Variants in CAMTA1 observed in about 807,000 individuals in gnomAD.
CAMTA1 encodes the protein calmodulin binding transcription activator 1, also known as calmodulin-binding transcription activator 1.
In CAMTA1, 27 loss-of-function variants were observed where a neutral mutation model predicts 170.9. The ratio of observed to expected loss-of-function variants is 0.16; its 90% confidence interval spans 0.12 to 0.22. CAMTA1 has a LOEUF of 0.22. Among genes scored for constraint, CAMTA1 ranks in the 10% least tolerant of loss-of-function variants. CAMTA1 has a pLI of 1.00. For missense variants in CAMTA1, 1,619 were observed against 2,217.2 expected (o/e 0.73, Z 5.42); for synonymous variants, 833 against 891.5 (o/e 0.93, Z 1.17).
At chr1:7,048,488 TGCTGTTG>T (rs1705768775) in intron 3 of CAMTA1, among the ~76,000 whole-genome samples, 1 of 152,232 alleles carries the variant, frequency 6.6e-6, no homozygotes, top group Non-Finnish European at 1.5e-5. Flanking sequence ...GGGGAGCGTC[TGCTGTTG>T]GCTTTGGTGT....
chr1:7,023,359 A>T (rs1187149392), intron 3 of CAMTA1, among the ~76,000 whole-genome samples: 1 of 152,238 alleles, frequency 6.6e-6, no homozygotes, highest in Non-Finnish European at 1.5e-5. Context: ...TTCCCAGGGG[A>T]AAAACTGGGG....
chr1:7,539,768 G>A (rs984820911), intron 6 of CAMTA1, among the ~76,000 whole-genome samples: 5 of 152,246 alleles, frequency 3.3e-5, no homozygotes, highest in Admixed American at 1.3e-4. Context: ...GACATAGGAA[G>A]GCAGGGCCAG....
At chr1:7,526,662 C>T (rs2094435566) in intron 6 of CAMTA1, among the ~76,000 whole-genome samples, 1 of 152,232 alleles carries the variant, frequency 6.6e-6, no homozygotes, top group Non-Finnish European at 1.5e-5. Context: ...GCATGTTCCT[C>T]CAGGCCTGGC....
At chr1:6,916,751 C>T (rs1333899832) in intron 3 of CAMTA1, among the ~76,000 whole-genome samples, 3 of 152,132 alleles carry the variant, frequency 2.0e-5, no homozygotes, top group Non-Finnish European at 4.4e-5. Flanking sequence ...GGGAAGTAGC[C>T]TCACAGTAGA....
Position 7,547,976 on chromosome 1 carries a change from TAGTAATGTCTGC to T in CAMTA1, c.510+80076_510+80087del, listed in dbSNP as rs1176977714. Among the ~76,000 whole-genome samples, 1 of 152,158 alleles carries T rather than the reference TAGTAATGTCTGC, an allele frequency of 6.6e-6. No homozygotes were observed. The highest frequency in any genetic ancestry group is 1.5e-5 in the Non-Finnish European group (1 of 68,028). ...CAGGGGAAACAGTGACGTGATTGATTAGTAATGTCTGCCATGAACAGAGGGACAGGAAGGGTT... is the reference window on the plus strand; with the variant it reads ...CAGGGGAAACAGTGACGTGATTGATTCATGAACAGAGGGACAGGAAGGGTT... On this transcript the variant is annotated intron_variant, in intron 6 of 22. Coordinates refer to ENST00000303635, the MANE Select transcript of CAMTA1 (RefSeq NM_015215.4). The surrounding 1 kb of genome is among the most constrained non-coding windows in gnomAD (Gnocchi z 5.7).
chr1:6,961,959 C>A (rs1178556265), intron 3 of CAMTA1, among the ~76,000 whole-genome samples: 1 of 152,218 alleles, frequency 6.6e-6, no homozygotes, highest in Non-Finnish European at 1.5e-5. Context: ...CATCTCTCCC[C>A]GGCGGCCAGT....
chr1:6,831,294 C>T (rs1403304525), intron 3 of CAMTA1, among the ~76,000 whole-genome samples: 1 of 152,204 alleles, frequency 6.6e-6, no homozygotes, highest in Non-Finnish European at 1.5e-5. Flanking sequence ...AGAACCTACT[C>T]TTGTTTCATA....
Position 7,755,727 on chromosome 1 carries a change from T to C in CAMTA1, c.4989+59T>C, listed in dbSNP as rs1447471172. The C allele has an allele frequency of 7.4e-6, 11 of 1,489,058 alleles. No homozygotes were observed. The Admixed American group carries it at 1.8e-4, about 25-fold the overall frequency. The allele number at this position is 1,489,058 out of a possible 1,614,324, so 92.2% of individuals were successfully genotyped here. A position where few individuals can be genotyped will look rare whatever the true frequency, so the allele number is the denominator to read the frequency against. On this transcript the variant is annotated intron_variant, in intron 22 of 22. Transcript: ENST00000303635. Reference sequence around the variant, plus strand: ...CTCTTCCATTTTCAGTATTTTGCTTTTTGCTTGCTTGCATGAGGCTGCAGC... The same window carrying C: ...CTCTTCCATTTTCAGTATTTTGCTTCTTGCTTGCTTGCATGAGGCTGCAGC...
intron 6 of CAMTA1, among the ~76,000 whole-genome samples, chr1:7,560,810 C>T (rs1039915807): frequency 2.0e-5 from 3 of 151,608 alleles, no homozygotes. Context: ...GGGGCAGGCA[C>T]TCAGGTGGGG....
Position 7,467,944 on chromosome 1 carries a change from G to A in CAMTA1, c.510+43G>A, listed in dbSNP as rs372092962. The stretch of plus-strand genomic sequence containing the variant: ...GATTCTTCTTCTGTCTCTGGTGCTC[G>A]GGAAGGGTCTGTGGAGGGCACTGAG... On this transcript the variant is annotated intron_variant, in intron 6 of 22. Coordinates refer to ENST00000303635, the MANE Select transcript of CAMTA1 (RefSeq NM_015215.4). 614 of 1,542,984 alleles carry A rather than the reference G, an allele frequency of 4.0e-4. 6 individuals carry two copies. In the South Asian group the frequency reaches 5.0e-3, roughly 13 times the overall value.
chr1:7,007,222 T>C lies in CAMTA1; in HGVS notation c.235-84082T>C, dbSNP rs1200465185. On this transcript the variant is annotated intron_variant, in intron 3 of 22. Transcript: ENST00000303635. This position sits in a 1 kb window ranked among gnomAD's most constrained non-coding sequence, Gnocchi z 4.5. ...CACATAGGATCTCACGTGGGGAGCA[T>C]CGACCAGGAGAGGGGTCCACATTGT... Among the ~76,000 whole-genome samples the C allele has an allele frequency of 6.6e-6, 1 of 151,958 alleles. No homozygotes were observed. Among genetic ancestry groups the C allele is most frequent in the East Asian group, 1.9e-4 (1 of 5,154 alleles).
At chr1:7,741,479 G>A (rs998287624) in intron 16 of CAMTA1, among the ~76,000 whole-genome samples, 1 of 150,976 alleles carries the variant, frequency 6.6e-6, no homozygotes, top group African/African-American at 2.4e-5. Context: ...GAAGAATGGC[G>A]TGAACCCAGG....
chr1:6,920,794 C>T (rs530891654), intron 3 of CAMTA1, among the ~76,000 whole-genome samples: 32 of 152,350 alleles, frequency 2.1e-4, no homozygotes, highest in African/African-American at 7.5e-4. Flanking sequence ...TGAGCTATAC[C>T]TTGGTCCCTT....
At chr1:6,950,389 A>G (rs1261987913) in intron 3 of CAMTA1, among the ~76,000 whole-genome samples, 1 of 152,200 alleles carries the variant, frequency 6.6e-6, no homozygotes, top group Non-Finnish European at 1.5e-5. Context: ...TCCAGAGCTG[A>G]GAGCTTTGGG....
intron 4 of CAMTA1, among the ~76,000 whole-genome samples, chr1:7,228,015 C>A (rs1236103297): frequency 6.6e-6 from 1 of 152,210 alleles, no homozygotes; most frequent in Non-Finnish European, 1.5e-5. Context: ...GCTCCCCTGG[C>A]AGTAAAACAT....
chr1:7,696,249 T>G (rs1164305285), intron 11 of CAMTA1, among the ~76,000 whole-genome samples: 4 of 152,130 alleles, frequency 2.6e-5, no homozygotes, highest in Non-Finnish European at 5.9e-5. Context: ...CAGGCCAGAG[T>G]ACAGTGGCGC....
Position 7,682,265 on chromosome 1 carries a change from T to G in CAMTA1, c.2914+4532T>G, listed in dbSNP as rs1295963460. Among the ~76,000 whole-genome samples the G allele has an allele frequency of 1.3e-5, 2 of 152,130 alleles. No individual in the cohort carries two copies. Among genetic ancestry groups the G allele is most frequent in the Admixed American group, 6.5e-5 (1 of 15,282 alleles). On this transcript the variant is annotated intron_variant, in intron 11 of 22. Transcript: ENST00000303635. This position sits in a 1 kb window ranked among gnomAD's most constrained non-coding sequence, Gnocchi z 5.0. The stretch of plus-strand genomic sequence containing the variant: ...TGCCTGCTTCCTGGGCAAGCCTCAG[T>G]GTAAGGTGGGTGAGCCCAGACAGCT...
intron 5 of CAMTA1, among the ~76,000 whole-genome samples, chr1:7,375,853 C>T (rs1047306792): frequency 1.3e-5 from 2 of 152,226 alleles, no homozygotes; most frequent in Admixed American, 6.5e-5. Context: ...TCTAAGTCAC[C>T]CTTTGTCAAC....
intron 4 of CAMTA1, among the ~76,000 whole-genome samples, chr1:7,174,045 A>G (rs1165321600): frequency 2.0e-5 from 3 of 152,038 alleles, no homozygotes; most frequent in Non-Finnish European, 4.4e-5. Context: ...CAAGCCCTCT[A>G]ATCAGTCCAC....
Sources: gnomAD v4.1 joint callset for allele counts (sites outside exome capture counted in the v4.1 genomes callset) on GRCh38, gnomAD v4.1.1 for gene constraint, Gnocchi (gnomAD v3.1) non-coding constraint, MANE v1.5 for transcripts, NCBI Gene and HGNC (gene_info 2026-07-23, HGNC 2026-07-21) for gene names.